Variants in PPARGC1A observed in about 807,000 individuals in gnomAD.
The protein encoded by PPARGC1A is PPARG coactivator 1 alpha, also known as peroxisome proliferator-activated receptor gamma coactivator 1-alpha.
Under a neutral mutation model 88.7 loss-of-function variants are expected in PPARGC1A, and 25 were observed. The observed-to-expected ratio is 0.28, with a 90% CI of 0.21 to 0.39. The LOEUF is 0.39. Among genes scored for constraint, PPARGC1A ranks in the 10% least tolerant of loss-of-function variants. The pLI, the probability that PPARGC1A is intolerant of heterozygous loss-of-function variation, is 1.00. For missense variants in PPARGC1A, 880 were observed against 968.7 expected, an observed-to-expected ratio of 0.91 and a Z score of 1.22; for synonymous variants, 363 against 355.6, an observed-to-expected ratio of 1.02 and a Z score of -0.24.
the PPARGC1A span, among the ~76,000 whole-genome samples, chr4:24,408,417 A>C: frequency 6.6e-6 from 1 of 151,776 alleles, no homozygotes; most frequent in African/African-American, 2.4e-5. Context: ...ACACTAATTG[A>C]ATATTGTGAT....
the PPARGC1A span, among the ~76,000 whole-genome samples, chr4:24,115,842 G>A: frequency 7.7e-3 from 1,176 of 152,180 alleles, 9 homozygotes; most frequent in Non-Finnish European, 0.011. Flanking sequence ...GTTGTCTAAA[G>A]GAAGATCTAA....
intron 2 of PPARGC1A, among the ~76,000 whole-genome samples, chr4:23,834,775 A>T (rs553682081): frequency 6.6e-6 from 1 of 152,296 alleles, no homozygotes; most frequent in East Asian, 1.9e-4. Context: ...ATAATCTGGT[A>T]TCCAAAGATT....
At chr4:24,448,373 A>G in the PPARGC1A span, among the ~76,000 whole-genome samples, 5 of 152,070 alleles carry the variant, frequency 3.3e-5, no homozygotes, top group East Asian at 9.6e-4. Context: ...CCTACCATCC[A>G]TCTCTGCTGC....
the PPARGC1A span, among the ~76,000 whole-genome samples, chr4:24,315,109 C>A: frequency 2.6e-5 from 4 of 151,816 alleles, no homozygotes; most frequent in African/African-American, 9.7e-5. Context: ...CCACACCCAT[C>A]TTAACATTTG....
At chr4:23,864,821 G>A (rs1175338440) in intron 2 of PPARGC1A, among the ~76,000 whole-genome samples, 2 of 152,204 alleles carry the variant, frequency 1.3e-5, no homozygotes, top group African/African-American at 4.8e-5. Flanking sequence ...CAGCAAGCTT[G>A]CAAAGCACCA....
chr4:24,019,989 A>T, the PPARGC1A span, among the ~76,000 whole-genome samples: 1 of 152,164 alleles, frequency 6.6e-6, no homozygotes, highest in East Asian at 1.9e-4. Context: ...TAATCAGCAC[A>T]CTCATAGAGA....
the PPARGC1A span, among the ~76,000 whole-genome samples, chr4:24,323,833 C>A: frequency 6.6e-6 from 1 of 152,204 alleles, no homozygotes; most frequent in African/African-American, 2.4e-5. Context: ...GACCGACCAG[C>A]CCAAGAAACA....
the PPARGC1A span, among the ~76,000 whole-genome samples, chr4:24,336,681 T>C: frequency 1.3e-5 from 2 of 152,224 alleles, no homozygotes; most frequent in African/African-American, 4.8e-5. Flanking sequence ...CTTATTCCAA[T>C]GTGTGAACAT....
At chr4:24,240,700 T>C in the PPARGC1A span, among the ~76,000 whole-genome samples, 1 of 152,182 alleles carries the variant, frequency 6.6e-6, no homozygotes, top group Non-Finnish European at 1.5e-5. Context: ...TAAAGCAATT[T>C]TGCCTTGACA....
the PPARGC1A span, among the ~76,000 whole-genome samples, chr4:23,954,266 T>C: frequency 1.3e-5 from 2 of 152,136 alleles, no homozygotes; most frequent in South Asian, 4.1e-4. Context: ...AGTTTAGTAA[T>C]GCTAACTGTG....
chr4:24,323,180 C>A, the PPARGC1A span, among the ~76,000 whole-genome samples: 9 of 152,112 alleles, frequency 5.9e-5, no homozygotes, highest in African/African-American at 1.9e-4. Flanking sequence ...CCAGACCAAA[C>A]CCTGAAGTCA....
Position 23,817,325 on chromosome 4 carries a change from T to A in PPARGC1A, c.878-2720A>T, listed in dbSNP as rs189768708. Among the ~76,000 whole-genome samples the A allele has an allele frequency of 3.9e-5, 6 of 152,196 alleles. No individual in the cohort carries two copies. In the East Asian group the frequency reaches 9.7e-4, roughly 25 times the overall value. On this transcript the variant is annotated intron_variant, in intron 7 of 12. Transcript: ENST00000264867. Reference sequence around the variant, plus strand: ...GGGAGTGGCGACACCTTGATTGTACTTTCTTTGGGTTAAAAACAAAGCCTT... The same window carrying A: ...GGGAGTGGCGACACCTTGATTGTACATTCTTTGGGTTAAAAACAAAGCCTT...
the PPARGC1A span, among the ~76,000 whole-genome samples, chr4:24,100,173 T>C: frequency 6.6e-6 from 1 of 152,178 alleles, no homozygotes; most frequent in African/African-American, 2.4e-5. Context: ...CTACAGTATT[T>C]TATTTTCATT....
the PPARGC1A span, among the ~76,000 whole-genome samples, chr4:23,983,144 T>C: frequency 6.6e-6 from 1 of 152,286 alleles, no homozygotes; most frequent in East Asian, 1.9e-4. Flanking sequence ...GTAGGTCACA[T>C]ATGTTCTTTT....
chr4:24,135,111 T>C, the PPARGC1A span, among the ~76,000 whole-genome samples: 1 of 152,136 alleles, frequency 6.6e-6, no homozygotes, highest in Non-Finnish European at 1.5e-5. Flanking sequence ...GTGAACTAAA[T>C]ATACAGCTTC....
At chr4:23,970,202 T>C in the PPARGC1A span, among the ~76,000 whole-genome samples, 1 of 152,188 alleles carries the variant, frequency 6.6e-6, no homozygotes, top group Non-Finnish European at 1.5e-5. Context: ...AGGAAACATA[T>C]GATCACCATA....
intron 2 of PPARGC1A, among the ~76,000 whole-genome samples, chr4:23,860,091 G>A (rs1319077109): frequency 1.3e-5 from 2 of 151,978 alleles, no homozygotes; most frequent in African/African-American, 4.8e-5. Flanking sequence ...GGCCAACATA[G>A]TAAGACCTTG....
At chr4:24,397,748 T>C in the PPARGC1A span, among the ~76,000 whole-genome samples, 2 of 152,168 alleles carry the variant, frequency 1.3e-5, no homozygotes. Context: ...TAATTTGAAG[T>C]TTTACTTGCA....
At chr4:24,319,889 A>AT in the PPARGC1A span, among the ~76,000 whole-genome samples, 25 of 152,028 alleles carry the variant, frequency 1.6e-4, no homozygotes, top group African/African-American at 6.0e-4. Flanking sequence ...TTTCATAGTC[A>AT]TTTTTTTCCT....
Sources: allele counts gnomAD v4.1 joint callset (sites outside exome capture counted in the v4.1 genomes callset), GRCh38; gene constraint gnomAD v4.1.1; transcripts MANE v1.5; gene names NCBI Gene and HGNC (gene_info 2026-07-23, HGNC 2026-07-21).